CPA6: variants seen among roughly 807,000 people sequenced by gnomAD.
The protein encoded by CPA6 is carboxypeptidase A6, also known as carboxypeptidase B.
Under a neutral mutation model 63.3 loss-of-function variants are expected in CPA6, and 58 were observed. That is an observed-to-expected ratio of 0.92 (90% CI 0.74 to 1.14). The LOEUF is 1.14. CPA6 is among the 50% of genes most tolerant of loss of function. CPA6 has a pLI of 0.00. For missense variants in CPA6, 565 were observed against 526.6 expected, an observed-to-expected ratio of 1.07 and a Z score of -0.71; for synonymous variants, 185 against 179.0, an observed-to-expected ratio of 1.03 and a Z score of -0.27.
chr8:67,742,895 G>A (rs1030966089), intron 1 of CPA6, among the ~76,000 whole-genome samples: 1 of 151,924 alleles, frequency 6.6e-6, no homozygotes, highest in Non-Finnish European at 1.5e-5. Flanking sequence ...AGAATTTATT[G>A]TTACTGTCTG....
At chr8:67,594,815 T>A (rs1814273326) in intron 2 of CPA6, among the ~76,000 whole-genome samples, 1 of 152,176 alleles carries the variant, frequency 6.6e-6, no homozygotes, top group South Asian at 2.1e-4. Flanking sequence ...CTTCTTTGCC[T>A]TTGGTTTGAA....
intron 1 of CPA6, among the ~76,000 whole-genome samples, chr8:67,732,924 T>C (rs10093914): frequency 0.83 from 126,660 of 151,946 alleles, 53,113 homozygotes; most frequent in Admixed American, 0.88. Flanking sequence ...TTGCCGGGCG[T>C]GGTGGCTCAC....
At chr8:67,433,373 C>T (rs1197255822) in intron 9 of CPA6, among the ~76,000 whole-genome samples, 2 of 152,140 alleles carry the variant, frequency 1.3e-5, no homozygotes, top group African/African-American at 2.4e-5. Flanking sequence ...TTCATGATGA[C>T]TGATGCCCTA....
chr8:67,519,919 C>T (rs1812225510), intron 2 of CPA6, among the ~76,000 whole-genome samples: 1 of 152,042 alleles, frequency 6.6e-6, no homozygotes, highest in Non-Finnish European at 1.5e-5. Context: ...GTTTCTTTTT[C>T]TATTTTTTTA....
chr8:67,427,823 C>G lies in CPA6; in HGVS notation c.1126+224G>C, dbSNP rs1402421104. Among the ~76,000 whole-genome samples, 5 of 152,332 alleles carry G rather than the reference C, an allele frequency of 3.3e-5. No homozygotes were observed. The East Asian group carries it at 9.6e-4, about 29-fold the overall frequency. ...ATGAGCTTGTAGTCGTTACTGCACA[C>G]TTAGCATATTCTCTGCTTTGAATTT... On this transcript the variant is annotated intron_variant, in intron 10 of 10. Coordinates refer to ENST00000297770, the MANE Select transcript of CPA6 (RefSeq NM_020361.5).
chr8:67,694,389 C>T (rs2114052), intron 1 of CPA6, among the ~76,000 whole-genome samples: 67,368 of 152,152 alleles, frequency 0.44, 16,988 homozygotes, highest in African/African-American at 0.7. Context: ...TGGGGCTTAG[C>T]AGACACTGAA....
At chr8:67,582,043 G>A (rs1386893229) in intron 2 of CPA6, among the ~76,000 whole-genome samples, 1 of 152,080 alleles carries the variant, frequency 6.6e-6, no homozygotes, top group African/African-American at 2.4e-5. Flanking sequence ...AACATCTTTG[G>A]TTGTGTAGTG....
intron 1 of CPA6, among the ~76,000 whole-genome samples, chr8:67,673,090 G>A (rs965069128): frequency 1.3e-5 from 2 of 152,108 alleles, no homozygotes; most frequent in Admixed American, 1.3e-4. Flanking sequence ...AAGATGAACT[G>A]TGGAAAAGAA....
chr8:67,498,099 T>A (rs1811759451), intron 6 of CPA6, among the ~76,000 whole-genome samples: 1 of 152,222 alleles, frequency 6.6e-6, no homozygotes, highest in Non-Finnish European at 1.5e-5. Flanking sequence ...TGCTCTTCTG[T>A]AGATATCTGT....
At chr8:67,630,757 C>T (rs754434838) in intron 1 of CPA6, among the ~76,000 whole-genome samples, 18 of 152,206 alleles carry the variant, frequency 1.2e-4, no homozygotes, top group East Asian at 1.9e-4. Context: ...GGGCTGCGCA[C>T]GGTGCTAGTG....
chr8:67,661,057 GTT>G (rs1816096594), intron 1 of CPA6, among the ~76,000 whole-genome samples: 1 of 152,224 alleles, frequency 6.6e-6, no homozygotes, highest in African/African-American at 2.4e-5. Flanking sequence ...TTTACTGAAT[GTT>G]CTAAGGAAAT....
intron 1 of CPA6, chr8:67,735,402 A>T (rs1249390627): frequency 1.3e-5 from 2 of 152,262 alleles, no homozygotes; most frequent in African/African-American, 4.8e-5. Flanking sequence ...GGGAAGATGG[A>T]TGAGGAGATG....
At chr8:67,703,805 A>G (rs1167036452) in intron 1 of CPA6, among the ~76,000 whole-genome samples, 6 of 152,162 alleles carry the variant, frequency 3.9e-5, no homozygotes, top group African/African-American at 1.4e-4. Flanking sequence ...ATGACTTTCC[A>G]TACACTTTTA....
intron 6 of CPA6, among the ~76,000 whole-genome samples, chr8:67,496,993 T>C (rs1587493056): frequency 6.6e-6 from 1 of 152,216 alleles, no homozygotes; most frequent in Non-Finnish European, 1.5e-5. Flanking sequence ...GGGCATTGCA[T>C]ATGTATGGAA....
At chr8:67,592,847 A>T (rs1360499795) in intron 2 of CPA6, among the ~76,000 whole-genome samples, 2 of 152,034 alleles carry the variant, frequency 1.3e-5, no homozygotes, top group Non-Finnish European at 2.9e-5. Context: ...TCCTGGATTC[A>T]TTAATTTTTT....
At chr8:67,575,744 G>T (rs527878856) in intron 2 of CPA6, among the ~76,000 whole-genome samples, 54 of 152,078 alleles carry the variant, frequency 3.6e-4, no homozygotes, top group African/African-American at 1.2e-3. Flanking sequence ...TGTAATCCCA[G>T]CTACCTGGGA....
chr8:67,684,726 C>T (rs1816675410), intron 1 of CPA6, among the ~76,000 whole-genome samples: 1 of 152,148 alleles, frequency 6.6e-6, no homozygotes, highest in Non-Finnish European at 1.5e-5. Flanking sequence ...CCTGAACCTT[C>T]TCCTAGGCCC....
At chr8:67,706,991 T>C (rs1316198913) in intron 1 of CPA6, among the ~76,000 whole-genome samples, 1 of 152,206 alleles carries the variant, frequency 6.6e-6, no homozygotes, top group Middle Eastern at 3.2e-3. Context: ...CAGTAATAAT[T>C]ATCATTGTTA....
chr8:67,500,723 G>A (rs900433276), intron 6 of CPA6, among the ~76,000 whole-genome samples: 3 of 148,800 alleles, frequency 2.0e-5, no homozygotes, highest in Admixed American at 1.3e-4. Context: ...TTTGTATATG[G>A]TATGAGACTT....
Sources: allele counts gnomAD v4.1 joint callset (sites outside exome capture counted in the v4.1 genomes callset), GRCh38; gene constraint gnomAD v4.1.1; transcripts MANE v1.5; gene names NCBI Gene and HGNC (gene_info 2026-07-23, HGNC 2026-07-21).